Variants in PRUNE2 observed in about 807,000 individuals in gnomAD.
PRUNE2 encodes protein prune homolog 2.
A neutral mutation model predicts 252.0 loss-of-function variants in PRUNE2; 164 were observed. The observed-to-expected ratio is 0.65, with a 90% CI of 0.57 to 0.74. The LOEUF (loss-of-function observed/expected upper bound fraction) is 0.74. Among genes scored for constraint, PRUNE2 ranks in the 30% least tolerant of loss-of-function variants. PRUNE2 has a pLI of 0.00. For missense variants in PRUNE2, 3,495 were observed against 3,711.0 expected (o/e 0.94, Z 1.51); for synonymous variants, 1,292 against 1,350.2 (o/e 0.96, Z 0.94).
intron 4 of PRUNE2, among the ~76,000 whole-genome samples, chr9:76,832,486 A>C (rs1482481513): frequency 5.3e-5 from 8 of 152,190 alleles, no homozygotes; most frequent in Admixed American, 5.2e-4. Flanking sequence ...AACTCATGGT[A>C]AAAGAAGAAA....
chr9:76,712,821 A>ACAG (rs2046841060), intron 7 of PRUNE2, among the ~76,000 whole-genome samples: 1 of 152,172 alleles, frequency 6.6e-6, no homozygotes, highest in East Asian at 1.9e-4. Flanking sequence ...ACCCATAGGC[A>ACAG]TGGGTCAAGA....
At chr9:76,743,712 T>C (rs2135595933) in intron 6 of PRUNE2, among the ~76,000 whole-genome samples, 1 of 152,368 alleles carries the variant, frequency 6.6e-6, no homozygotes, top group Non-Finnish European at 1.5e-5. Flanking sequence ...TATGATTCTA[T>C]TGCTAACATT....
rs778749828 is a variant in PRUNE2 at position 76,709,316 on chromosome 9, T to C, written c.2958A>G (p.Glu986=). 3.1e-6 allele frequency: 5 copies of C among 1,613,910 alleles called. No individual in the cohort carries two copies. The change falls in exon 8 of 19, where the codon GAA becomes GAG. Residue 986 remains glutamate, a synonymous_variant. Coordinates refer to ENST00000376718, the MANE Select transcript of PRUNE2 (RefSeq NM_015225.3). The part of the protein sequence containing the change: ...PTFAGDEKET[E]HKPFAKEEGF... ...CTTCCTCTTTAGCAAATGGCTTGTGTTCAGTTTCCTTTTCGTCTCCAGCAA... is the reference window on the plus strand; with the variant it reads ...CTTCCTCTTTAGCAAATGGCTTGTGCTCAGTTTCCTTTTCGTCTCCAGCAA...
At position 76,706,489 on chromosome 9, in the gene PRUNE2, C is replaced by T; in HGVS notation, c.5785G>A (p.Asp1929Asn). ...ADKFSQLVKL[D>N]QIKEKDSREQ... ...CTTGAGTCCTTTTCTTTAATTTGGT[C>T]TAATTTTACAAGCTGGCTGAACTTG... The change falls in exon 8 of 19, where the codon GAC (aspartate) becomes AAC (asparagine). Residue 1929 changes from aspartate (D) to asparagine (N), a missense_variant. Asp to Asn is a conservative substitution (Grantham distance 23). Coordinates refer to ENST00000376718, the MANE Select transcript of PRUNE2 (RefSeq NM_015225.3). 1 of 1,613,998 alleles carries T rather than the reference C, an allele frequency of 6.2e-7. No homozygotes were observed. Among genetic ancestry groups the T allele is most frequent in the South Asian group, 1.1e-5 (1 of 91,076 alleles).
chr9:76,666,702 A>G (rs139070182), intron 9 of PRUNE2, among the ~76,000 whole-genome samples: 1,591 of 151,616 alleles, frequency 0.01, 19 homozygotes, highest in African/African-American at 0.036. Context: ...GGCCACTACC[A>G]GTCTCCGCGT....
intron 6 of PRUNE2, among the ~76,000 whole-genome samples, chr9:76,727,081 CT>C (rs568228419): frequency 5.1e-4 from 78 of 152,322 alleles, no homozygotes; most frequent in African/African-American, 1.7e-3. Context: ...CTGGACAGTT[CT>C]TTGCTGTGGG....
At chr9:76,776,937 C>G (rs76434368) in intron 6 of PRUNE2, among the ~76,000 whole-genome samples, 25,844 of 128,524 alleles carry the variant, frequency 0.2, 2,586 homozygotes, top group African/African-American at 0.26. Context: ...CACACACACA[C>G]ACACACACAA....
chr9:76,657,890 G>A (rs755398199), intron 9 of PRUNE2, among the ~76,000 whole-genome samples: 13 of 152,178 alleles, frequency 8.5e-5, no homozygotes, highest in Non-Finnish European at 1.9e-4. Context: ...ACTCATTGAT[G>A]TTAGAAAATA....
chr9:76,854,418 T>C (rs6560555), intron 1 of PRUNE2, among the ~76,000 whole-genome samples: 115,899 of 152,086 alleles, frequency 0.76, 44,336 homozygotes, highest in African/African-American at 0.81. Context: ...GTAAACTTTC[T>C]GGAAGAGAAA....
At chr9:76,665,422 T>A (rs2039954883) in intron 9 of PRUNE2, among the ~76,000 whole-genome samples, 1 of 152,110 alleles carries the variant, frequency 6.6e-6, no homozygotes, top group Non-Finnish European at 1.5e-5. Flanking sequence ...AGTGGGGACC[T>A]GGGACCTCAC....
At chr9:76,755,019 A>C (rs1021660546) in intron 6 of PRUNE2, among the ~76,000 whole-genome samples, 14 of 151,572 alleles carry the variant, frequency 9.2e-5, no homozygotes, top group Non-Finnish European at 1.0e-4. Context: ...AACAAAAAAA[A>C]CTTTTTATGG....
At chr9:76,836,665 TA>T (rs1199624183) in intron 4 of PRUNE2, among the ~76,000 whole-genome samples, 1 of 152,180 alleles carries the variant, frequency 6.6e-6, no homozygotes, top group Non-Finnish European at 1.5e-5. Context: ...TATATCCTAC[TA>T]AAAGGCAACA....
In PRUNE2 at chr9:76,696,063, T is replaced by C. The variant is rs531059534; in HGVS notation, c.8276+7274A>G. ...TAACTGCATCCCTGGCCTCTGCCCA[T>C]TAGATGACAGCAGTACCCACCCCAG... On this transcript the variant is annotated intron_variant, in intron 9 of 18. Transcript: ENST00000376718. 9.2e-5 allele frequency among the ~76,000 whole-genome samples: 14 copies of C among 152,246 alleles called. No individual in the cohort carries two copies. The South Asian group carries it at 2.7e-3, about 29-fold the overall frequency.
chr9:76,670,355 A>C (rs1015351168), intron 9 of PRUNE2, among the ~76,000 whole-genome samples: 19 of 151,998 alleles, frequency 1.3e-4, no homozygotes, highest in African/African-American at 4.3e-4. Flanking sequence ...GGCTTAAAAA[A>C]CGGCACACCA....
chr9:76,824,474 C>T (rs1217538303), intron 5 of PRUNE2, among the ~76,000 whole-genome samples: 1 of 152,106 alleles, frequency 6.6e-6, no homozygotes, highest in East Asian at 1.9e-4. Context: ...TGCTTACCCT[C>T]GTAATAGGCT....
intron 6 of PRUNE2, among the ~76,000 whole-genome samples, chr9:76,773,332 T>C (rs1589141345): frequency 6.6e-6 from 1 of 152,062 alleles, no homozygotes; most frequent in South Asian, 2.1e-4. Context: ...GAATGAAGAA[T>C]GGGAAGAAAG....
chr9:76,776,955 G>C (rs2053867110), intron 6 of PRUNE2, among the ~76,000 whole-genome samples: 1 of 141,942 alleles, frequency 7.0e-6, no homozygotes, highest in Non-Finnish European at 1.5e-5. Context: ...CAAAGGGCCT[G>C]GACCTTTCTT....
intron 9 of PRUNE2, among the ~76,000 whole-genome samples, chr9:76,690,005 C>T (rs1427806393): frequency 1.3e-5 from 2 of 152,178 alleles, no homozygotes; most frequent in African/African-American, 4.8e-5. Context: ...GGCATCTACT[C>T]CAGCTTCTTC....
intron 4 of PRUNE2, among the ~76,000 whole-genome samples, chr9:76,835,895 T>C (rs1310278833): frequency 6.6e-6 from 1 of 152,234 alleles, no homozygotes; most frequent in Admixed American, 6.5e-5. Flanking sequence ...AGGAGAGAGT[T>C]TGTTTAAATT....
Sources: gnomAD v4.1 joint callset for allele counts (sites outside exome capture counted in the v4.1 genomes callset) on GRCh38, gnomAD v4.1.1 for gene constraint, MANE v1.5 for transcripts, NCBI Gene and HGNC (gene_info 2026-07-23, HGNC 2026-07-21) for gene names.